ZFYVE9: variants seen among roughly 807,000 people sequenced by gnomAD.
ZFYVE9 encodes the protein zinc finger FYVE domain-containing protein 9.
Under a neutral mutation model 126.7 loss-of-function variants are expected in ZFYVE9, and 43 were observed. The ratio of observed to expected loss-of-function variants is 0.34; its 90% confidence interval spans 0.27 to 0.44. ZFYVE9 has a LOEUF of 0.44. Among genes scored for constraint, ZFYVE9 ranks in the 20% least tolerant of loss-of-function variants. The pLI, the probability that ZFYVE9 is intolerant of heterozygous loss-of-function variation, is 1.00. For synonymous variants in ZFYVE9, 521 were observed against 597.4 expected (o/e 0.87, Z 1.87); for missense variants, 1,476 against 1,697.0 (o/e 0.87, Z 2.29).
intron 4 of ZFYVE9, among the ~76,000 whole-genome samples, chr1:52,255,850 G>A (rs1645502064): frequency 6.6e-6 from 1 of 151,824 alleles, no homozygotes; most frequent in African/African-American, 2.4e-5. Flanking sequence ...GAGAGACTCT[G>A]ACTCAAAAAA....
chr1:52,144,629 CTTTT>C (rs199661772), intron 1 of ZFYVE9, among the ~76,000 whole-genome samples: 3 of 136,238 alleles, frequency 2.2e-5, no homozygotes, highest in Non-Finnish European at 1.6e-5. Flanking sequence ...TCATTTCTTT[CTTTT>C]TTTTTTTTTT....
chr1:52,254,022 G>A (rs192301319), intron 4 of ZFYVE9: 7 of 763,732 alleles, frequency 9.2e-6, no homozygotes, highest in African/African-American at 5.2e-5. Flanking sequence ...CAACTTGGAC[G>A]TTAATGATAC....
chr1:52,344,224 G>T (rs999486182), intron 17 of ZFYVE9, among the ~76,000 whole-genome samples: 1 of 152,162 alleles, frequency 6.6e-6, no homozygotes, highest in African/African-American at 2.4e-5. Context: ...CGCCTCTATA[G>T]TGGCAGGGCT....
At chr1:52,256,441 A>G (rs1645520266) in intron 4 of ZFYVE9, among the ~76,000 whole-genome samples, 1 of 151,358 alleles carries the variant, frequency 6.6e-6, no homozygotes. Flanking sequence ...GCACAACCTC[A>G]GCTCACTGCA....
chr1:52,147,188 G>A (rs1252058576), intron 1 of ZFYVE9, among the ~76,000 whole-genome samples: 1 of 152,086 alleles, frequency 6.6e-6, no homozygotes, highest in Non-Finnish European at 1.5e-5. Context: ...TTTTAGATAA[G>A]GGATACTCAA....
At chr1:52,312,328 A>C (rs577256605) in intron 13 of ZFYVE9, among the ~76,000 whole-genome samples, 11 of 152,324 alleles carry the variant, frequency 7.2e-5, no homozygotes, top group African/African-American at 2.6e-4. Flanking sequence ...CACAGCATCC[A>C]CCATTAATAT....
intron 16 of ZFYVE9, among the ~76,000 whole-genome samples, chr1:52,338,927 C>T (rs1241421968): frequency 2.0e-5 from 3 of 152,102 alleles, no homozygotes; most frequent in Non-Finnish European, 2.9e-5. Context: ...AGGAGACTCA[C>T]TTGAATCGGG....
chr1:52,235,926 T>G (rs1245522537), intron 3 of ZFYVE9, among the ~76,000 whole-genome samples: 2 of 152,150 alleles, frequency 1.3e-5, no homozygotes, highest in Admixed American at 1.3e-4. Flanking sequence ...TCTTGGAAAC[T>G]GTGACTTTAA....
chr1:52,155,234 C>CTTTTTTTTTTTTT (rs202048189), intron 1 of ZFYVE9, among the ~76,000 whole-genome samples: 1 of 129,092 alleles, frequency 7.7e-6, no homozygotes, highest in Non-Finnish European at 1.7e-5. Flanking sequence ...TCTTTTTTTT[C>CTTTTTTTTTTTTT]TTTTTTTTTT....
Position 52,321,236 on chromosome 1 carries a change from A to G in ZFYVE9, c.3439-11532A>G, listed in dbSNP as rs191287289. ...CTTCAGAGAAGTGTGAAATTACAAA[A>G]GCATAATTTCATAGGTTCTTTGTAG... On this transcript the variant is annotated intron_variant, in intron 13 of 18. Coordinates refer to ENST00000287727, the MANE Select transcript of ZFYVE9 (RefSeq NM_004799.4). Among the ~76,000 whole-genome samples, 14 of 152,348 alleles carry G rather than the reference A, an allele frequency of 9.2e-5. No homozygotes were observed. The East Asian group carries it at 2.5e-3, about 27-fold the overall frequency.
chr1:52,302,601 A>T (rs1367433775), intron 12 of ZFYVE9, among the ~76,000 whole-genome samples: 1 of 152,044 alleles, frequency 6.6e-6, no homozygotes, highest in East Asian at 1.9e-4. Flanking sequence ...AAATACAAAA[A>T]TTATCTGGGC....
intron 14 of ZFYVE9, among the ~76,000 whole-genome samples, chr1:52,333,723 A>G (rs2820338): frequency 0.77 from 116,988 of 151,476 alleles, 49,443 homozygotes; most frequent in Non-Finnish European, 0.93. Flanking sequence ...TGGGAGGCCA[A>G]GGCGAGAGCA....
At position 52,239,047 on chromosome 1, in the gene ZFYVE9, A is replaced by C. The variant is rs1405181330; in HGVS notation, c.1630A>C (p.Lys544Gln). The C allele has an allele frequency of 6.2e-7, 1 of 1,614,180 alleles. No homozygotes were observed. The highest frequency in any genetic ancestry group is 2.2e-5 in the East Asian group (1 of 44,884). ...LLNSTGDLMKKNYLHNFCSQV... is the reference protein window; with the variant it reads ...LLNSTGDLMKQNYLHNFCSQV... ...AAACAGCACTGGTGACCTAATGAAG[A>C]AAAATTATTTACATAATTTCTGTAG... Residue 544 changes from lysine to glutamine, a missense_variant, in exon 4 of 19, where the codon AAA (lysine) becomes CAA (glutamine). Transcript: ENST00000287727.
chr1:52,299,393 C>T (rs1251290621), intron 12 of ZFYVE9, among the ~76,000 whole-genome samples: 1 of 152,110 alleles, frequency 6.6e-6, no homozygotes, highest in African/African-American at 2.4e-5. Context: ...AGTTTGGATG[C>T]CTTTTATTTC....
rs114961745 is a variant in ZFYVE9, at chr1:52,144,875, C to T, written c.-143+2472C>T. On this transcript the variant is annotated intron_variant, in intron 1 of 18. Coordinates refer to ENST00000287727, the MANE Select transcript of ZFYVE9 (RefSeq NM_004799.4). ...TACTTCAGTTATTATGCTTACCTTG[C>T]GAGGCTTTTAGGATAAATAAATCTG... Among the ~76,000 whole-genome samples the T allele has an allele frequency of 4.1e-4, 62 of 152,128 alleles. 1 individual carries two copies. The highest frequency in any genetic ancestry group is 1.4e-3 in the African/African-American group (59 of 41,498).
At chr1:52,305,066 A>G (rs1646069720) in intron 13 of ZFYVE9, among the ~76,000 whole-genome samples, 1 of 152,232 alleles carries the variant, frequency 6.6e-6, no homozygotes, top group Admixed American at 6.5e-5. Flanking sequence ...TTTATTTCTC[A>G]AATTTGAAAT....
intron 7 of ZFYVE9, among the ~76,000 whole-genome samples, chr1:52,274,204 G>T (rs1330588018): frequency 6.6e-6 from 1 of 152,132 alleles, no homozygotes; most frequent in Non-Finnish European, 1.5e-5. Context: ...CTTTAATGCA[G>T]GTTTTAAGGC....
chr1:52,238,275 C>G lies in ZFYVE9; in HGVS notation c.858C>G (p.Asn286Lys), dbSNP rs753869789. 4 of 1,614,008 alleles carry G rather than the reference C, an allele frequency of 2.5e-6. No homozygotes were observed. In the South Asian group the frequency reaches 4.4e-5, roughly 18 times the overall value. Residue 286 changes from asparagine to lysine, a missense_variant, in exon 4 of 19, where the codon AAC (asparagine) becomes AAG (lysine). Around this residue, in one of 2 missense-constraint regions of ZFYVE9, gnomAD observed 807 missense variants for 794.6 expected, o/e 1.02. Transcript: ENST00000287727. ...DGCPAVKKQE[N>K]YIPDEDLTGK... ...GTCCTGCTGTTAAAAAGCAAGAGAACTATATACCAGATGAGGACCTCACTG... is the reference window on the plus strand; with the variant it reads ...GTCCTGCTGTTAAAAAGCAAGAGAAGTATATACCAGATGAGGACCTCACTG...
chr1:52,239,035 G>A lies in ZFYVE9; in HGVS notation c.1618G>A (p.Asp540Asn), dbSNP rs1477144937. 2.5e-6 allele frequency: 4 copies of A among 1,614,134 alleles called. No homozygotes were observed. Among genetic ancestry groups the A allele is most frequent in the Admixed American group, 1.7e-5 (1 of 60,012 alleles). ...TGGACTACTTTTAAACAGCACTGGT[G>A]ACCTAATGAAGAAAAATTATTTACA... ...GSGLLLNSTG[D>N]LMKKNYLHNF... The change falls in exon 4 of 19, where the codon GAC (aspartate) becomes AAC (asparagine). Residue 540 changes from aspartate (D) to asparagine (N), a missense_variant. This residue lies in a region of ZFYVE9 where 807 missense variants were observed against 794.6 expected (regional missense o/e 1.02). Transcript: ENST00000287727.
Sources: gnomAD v4.1 joint callset for allele counts (sites outside exome capture counted in the v4.1 genomes callset) on GRCh38, gnomAD v4.1.1 for gene constraint, gnomAD v4.1.1 regional missense constraint, MANE v1.5 for transcripts, NCBI Gene and HGNC (gene_info 2026-07-23, HGNC 2026-07-21) for gene names.